The following KCNIP1 variants were observed in gnomAD, a reference collection of about 807,000 sequenced individuals.
KCNIP1 encodes A-type potassium channel modulatory protein KCNIP1.
A neutral mutation model predicts 33.0 loss-of-function variants in KCNIP1; 18 were observed. The ratio of observed to expected loss-of-function variants is 0.55; its 90% CI spans 0.38 to 0.81. The LOEUF is 0.81. Ranked by LOEUF, KCNIP1 falls within the 30% of genes least tolerant of loss-of-function variation. KCNIP1 has a pLI of 0.00. For missense variants in KCNIP1, 238 were observed against 271.6 expected, an observed-to-expected ratio of 0.88 and a Z score of 0.87; for synonymous variants, 93 against 98.3, an observed-to-expected ratio of 0.95 and a Z score of 0.32.
At chr5:170,598,397 C>A (rs1211797033) in intron 1 of KCNIP1, among the ~76,000 whole-genome samples, 2 of 152,154 alleles carry the variant, frequency 1.3e-5, no homozygotes, top group Non-Finnish European at 2.9e-5. Flanking sequence ...TTGGTGAATG[C>A]CCACCTTGAG....
intron 1 of KCNIP1, chr5:170,379,042 A>G (rs868218333): frequency 5.2e-6 from 8 of 1,545,314 alleles, no homozygotes; most frequent in Non-Finnish European, 6.1e-6. Flanking sequence ...CTTGATATGG[A>G]GTAAAGAAAA....
At chr5:170,549,441 C>T (rs1756527359) in intron 1 of KCNIP1, among the ~76,000 whole-genome samples, 1 of 152,176 alleles carries the variant, frequency 6.6e-6, no homozygotes, top group African/African-American at 2.4e-5. Context: ...AGGTAATTCA[C>T]CATCCCTCAA....
chr5:170,590,589 G>A (rs1012312045), intron 1 of KCNIP1, among the ~76,000 whole-genome samples: 2 of 152,084 alleles, frequency 1.3e-5, no homozygotes, highest in Non-Finnish European at 2.9e-5. Flanking sequence ...CCAGTCTCAC[G>A]CTAGGCTGCC....
intron 1 of KCNIP1, among the ~76,000 whole-genome samples, chr5:170,613,563 A>T (rs1281484580): frequency 2.0e-5 from 3 of 152,034 alleles, no homozygotes; most frequent in African/African-American, 7.3e-5. Context: ...CCTGAAGGAG[A>T]TGGGAGGGAG....
At chr5:170,683,036 G>A (rs1235746499) in intron 1 of KCNIP1, among the ~76,000 whole-genome samples, 3 of 151,902 alleles carry the variant, frequency 2.0e-5, no homozygotes, top group African/African-American at 7.2e-5. Context: ...AACTTCTCAT[G>A]ATTGCAGTTT....
chr5:170,558,417 A>T (rs1372725475), intron 1 of KCNIP1, among the ~76,000 whole-genome samples: 2 of 152,262 alleles, frequency 1.3e-5, no homozygotes, highest in Non-Finnish European at 2.9e-5. Context: ...TTTTTAAAGA[A>T]GGTTTAAACT....
chr5:170,381,991 C>T (rs1764261232), intron 1 of KCNIP1, among the ~76,000 whole-genome samples: 1 of 152,064 alleles, frequency 6.6e-6, no homozygotes, highest in Non-Finnish European at 1.5e-5. Context: ...TCTCATTGAC[C>T]TTCAGCACTC....
At chr5:170,694,712 C>G (rs1361260998) in intron 1 of KCNIP1, among the ~76,000 whole-genome samples, 1 of 152,164 alleles carries the variant, frequency 6.6e-6, no homozygotes, top group Non-Finnish European at 1.5e-5. Flanking sequence ...CTTTTCTTTC[C>G]TCTCGACACC....
chr5:170,561,975 G>C (rs761068873), intron 1 of KCNIP1, among the ~76,000 whole-genome samples: 23 of 152,242 alleles, frequency 1.5e-4, no homozygotes, highest in Middle Eastern at 3.4e-3. Context: ...ACCATTCTAA[G>C]TCCAGATGCT....
chr5:170,370,422 A>G (rs17072591), intron 1 of KCNIP1, among the ~76,000 whole-genome samples: 4,297 of 152,348 alleles, frequency 0.028, 83 homozygotes, highest in African/African-American at 0.047. Context: ...TGAACAAGGC[A>G]GATTCAAACT....
intron 1 of KCNIP1, among the ~76,000 whole-genome samples, chr5:170,396,603 C>T (rs1175201401): frequency 6.6e-6 from 1 of 152,128 alleles, no homozygotes; most frequent in Admixed American, 6.5e-5. Context: ...TCAAAGATTT[C>T]CTGGTGGATT....
At position 170,497,209 on chromosome 5, in the gene KCNIP1, A is replaced by G. The variant is rs13161826; in HGVS notation, c.88+143245A>G. Among the ~76,000 whole-genome samples, 314 of 152,282 alleles carry G rather than the reference A, an allele frequency of 2.1e-3. No homozygotes were observed. The Middle Eastern group carries it at 0.034, about 16-fold the overall frequency. ...TGAGTGAATGAATGATTGAATGAAG[A>G]TTAGTGATTATGTTAATGACCTGCC... On this transcript the variant is annotated intron_variant, in intron 1 of 7. Transcript: ENST00000377360.
At chr5:170,562,443 C>T (rs1258890477) in intron 1 of KCNIP1, among the ~76,000 whole-genome samples, 1 of 152,180 alleles carries the variant, frequency 6.6e-6, no homozygotes, top group Non-Finnish European at 1.5e-5. Flanking sequence ...CTGCTGTGTT[C>T]CCAGAGTTGG....
At chr5:170,617,254 AG>A (rs1214892676) in intron 1 of KCNIP1, among the ~76,000 whole-genome samples, 1 of 152,052 alleles carries the variant, frequency 6.6e-6, no homozygotes, top group Non-Finnish European at 1.5e-5. Context: ...GTGGACAAGA[AG>A]GGTGGAGAGG....
At chr5:170,645,454 G>A (rs918507069) in intron 1 of KCNIP1, among the ~76,000 whole-genome samples, 1 of 152,086 alleles carries the variant, frequency 6.6e-6, no homozygotes, top group Non-Finnish European at 1.5e-5. Flanking sequence ...CCTAACAACC[G>A]AGGGTCAACA....
chr5:170,528,770 T>C (rs891186441), intron 1 of KCNIP1, among the ~76,000 whole-genome samples: 4 of 152,216 alleles, frequency 2.6e-5, no homozygotes, highest in African/African-American at 9.6e-5. Context: ...AAATGGACTT[T>C]AGACCATTTT....
At position 170,720,501 on chromosome 5, in the gene KCNIP1, A is replaced by C. The variant is rs996878957; in HGVS notation, c.256+111A>C. On this transcript the variant is annotated intron_variant, in intron 3 of 7. Transcript: ENST00000328939. ...TTTGCTTCCTTCTCGAGGAAGAGAC[A>C]AACTCAGGGCAGGACACCTCCCTCA... The C allele has an allele frequency of 2.1e-5, 18 of 840,778 alleles. No individual in the cohort carries two copies. In the Admixed American group the frequency reaches 3.5e-4, roughly 16 times the overall value. The allele number at this position is 840,778 out of a possible 1,614,324, so 52.1% of individuals were successfully genotyped here.
intron 1 of KCNIP1, among the ~76,000 whole-genome samples, chr5:170,386,134 C>A (rs1213189555): frequency 1.1e-4 from 16 of 142,270 alleles, no homozygotes; most frequent in East Asian, 1.1e-3. Flanking sequence ...AAAAAAAAAA[C>A]AAAAAACAAA....
intron 1 of KCNIP1, among the ~76,000 whole-genome samples, chr5:170,699,556 G>A (rs905814): frequency 0.083 from 9,252 of 111,620 alleles, 477 homozygotes; most frequent in Non-Finnish European, 0.098. Context: ...ATTGCTCTGT[G>A]AAAAAAAAAA....
Sources: allele counts gnomAD v4.1 joint callset (sites outside exome capture counted in the v4.1 genomes callset), GRCh38; gene constraint gnomAD v4.1.1; transcripts MANE v1.5; gene names NCBI Gene and HGNC (gene_info 2026-07-23, HGNC 2026-07-21).